The following FANCG variants were observed in gnomAD, a reference collection of about 807,000 sequenced individuals.
The protein encoded by FANCG is FA complementation group G.
A neutral mutation model predicts 73.3 loss-of-function variants in FANCG; 67 were observed. The observed-to-expected ratio is 0.91, with a 90% CI of 0.75 to 1.12. The LOEUF (loss-of-function observed/expected upper bound fraction) is 1.12. Ranked by LOEUF, FANCG falls within the 50% of genes most tolerant of loss-of-function variation. FANCG has a pLI of 0.00. For synonymous variants in FANCG, 297 were observed against 311.6 expected, an observed-to-expected ratio of 0.95 and a Z score of 0.49; for missense variants, 643 against 735.6, an observed-to-expected ratio of 0.87 and a Z score of 1.46.
rs768414522 is a variant in FANCG, at chr9:35,075,790, A to C, written c.1144-36T>G. The C allele has an allele frequency of 4.4e-6, 7 of 1,580,688 alleles. No individual in the cohort carries two copies. In the Middle Eastern group the frequency reaches 8.3e-4, roughly 187 times the overall value. On this transcript the variant is annotated intron_variant, in intron 9 of 13. Transcript: ENST00000378643. ...AAGAAGAAGCAGTGTCTTGAAAGGC[A>C]TGAGCCACCATCCCCAACCTCTTCA...
chr9:35,076,246 G>C (rs1241881594), intron 8 of FANCG, 186 bp downstream of exon 8: 1 of 801,048 alleles, frequency 1.2e-6, no homozygotes, highest in Non-Finnish European at 2.1e-6. Flanking sequence ...AGATAGAGAA[G>C]GTTAATGTCT....
At position 35,076,985 on chromosome 9, in the gene FANCG, A is replaced by G. The variant is rs2131056418; in HGVS notation, c.763T>C (p.Cys255Arg). The G allele has an allele frequency of 6.2e-7, 1 of 1,614,238 alleles. No homozygotes were observed. The highest frequency in any genetic ancestry group is 8.5e-7 in the Non-Finnish European group (1 of 1,180,032). The change falls in exon 6 of 14, where the codon TGT becomes CGT. Residue 255 changes from cysteine (C) to arginine (R), a missense_variant. By Grantham distance (180) the Cys-to-Arg change is radical. Coordinates refer to ENST00000378643, the MANE Select transcript of FANCG (RefSeq NM_004629.2). The stretch of plus-strand genomic sequence containing the variant: ...ACTGTCTTTACCATCTTACGGTGAC[A>G]GGACCCCAGTGCTGTGTACACCTGG... ...LVQVYTALGS[C>R]HRKMGNPQRA...
intron 11 of FANCG, 32 bp downstream of exon 11, chr9:35,075,247 G>C: frequency 6.2e-7 from 1 of 1,613,208 alleles, no homozygotes; most frequent in Non-Finnish European, 8.5e-7. Context: ...CCACTTCCAG[G>C]AGGTAAGAGG....
In FANCG at chr9:35,074,164, G is replaced by A. The variant is rs755275747; in HGVS notation, c.1813C>T (p.Arg605Cys). 33 of 1,614,108 alleles carry A rather than the reference G, an allele frequency of 2.0e-5. No homozygotes were observed. Among genetic ancestry groups the A allele is most frequent in the Middle Eastern group, 1.6e-4 (1 of 6,082 alleles). Residue 605 changes from arginine (R) to cysteine (C), a missense_variant, in exon 14 of 14, where the codon CGT (arginine) becomes TGT (cysteine). Transcript: ENST00000378643. ...SYLSWIRPSD[R>C]DAFLEEFRTS... ...CGAAATTCTTCAAGGAAGGCGTCAC[G>A]ATCAGAGGGACGGATCCAGCTCAAA...
Position 35,079,531 on chromosome 9 carries a change from C to G in FANCG, c.-7G>C. The G allele has an allele frequency of 1.2e-6, 2 of 1,613,918 alleles. No homozygotes were observed. The highest frequency in any genetic ancestry group is 2.2e-5 in the East Asian group (1 of 44,866). ...AGGTGGTCTGGCGGGACATGGTGGC[C>G]GAGGCTGGGCCCGGAGACCAGAAGC... On this transcript the variant is annotated 5_prime_UTR_variant, in exon 1 of 14. Coordinates refer to ENST00000378643, the MANE Select transcript of FANCG (RefSeq NM_004629.2).
intron 4 of FANCG, chr9:35,077,915 G>A (rs1340236208): frequency 1.2e-5 from 7 of 578,862 alleles, no homozygotes; most frequent in African/African-American, 1.1e-4. Flanking sequence ...TGAGATTACA[G>A]GTATGAGCCA....
chr9:35,075,584 G>A lies in FANCG; in HGVS notation c.1314C>T (p.Ala438=). The change falls in exon 10 of 14, where the codon GCC becomes GCT. Residue 438 remains alanine (A), a synonymous_variant. Coordinates refer to ENST00000378643, the MANE Select transcript of FANCG (RefSeq NM_004629.2). ...LPKMSRLWED[A]RKGTKELPYC... The stretch of plus-strand genomic sequence containing the variant: ...ATGGCAGTTCCTTGGTTCCTTTTCT[G>A]GCATCTTCCCACAGCCGGGACATCT... 1 of 1,614,084 alleles carries A rather than the reference G, an allele frequency of 6.2e-7. No individual in the cohort carries two copies. Among genetic ancestry groups the A allele is most frequent in the Non-Finnish European group, 8.5e-7 (1 of 1,180,004 alleles).
chr9:35,073,839 TA>T lies in FANCG; in HGVS notation c.*268del. ...AAGTATATGTAGTAGGCAGACGAGA[TA>T]AATATGAAATTTTACTCGACAACAG... On this transcript the variant is annotated 3_prime_UTR_variant, in exon 14 of 14. Coordinates refer to ENST00000378643, the MANE Select transcript of FANCG (RefSeq NM_004629.2). The T allele has an allele frequency of 1.9e-6, 1 of 539,540 alleles. No homozygotes were observed. The highest frequency in any genetic ancestry group is 1.9e-5 in the African/African-American group (1 of 53,022). 33.4% of individuals were successfully genotyped at this position (539,540 alleles called of 1,614,324 possible).
Position 35,075,988 on chromosome 9 carries a change from G to C in FANCG, c.1117C>G (p.Leu373Val). The C allele has an allele frequency of 6.2e-7, 1 of 1,614,144 alleles. No individual in the cohort carries two copies. The highest frequency in any genetic ancestry group is 1.1e-5 in the South Asian group (1 of 91,084). The change falls in exon 9 of 14, where the codon CTG (leucine) becomes GTG (valine). Residue 373 changes from leucine to valine, a missense_variant. Coordinates refer to ENST00000378643, the MANE Select transcript of FANCG (RefSeq NM_004629.2). Reference protein sequence around the residue: ...AAEHYLDLLALLLDSSEPRFS... With the variant: ...AAEHYLDLLAVLLDSSEPRFS... The stretch of plus-strand genomic sequence containing the variant: ...CTTGGCTCCGAGCTATCCAGCAACA[G>C]GGCCAGCAGGTCCAAGTAATGCTCT...
intron 4 of FANCG, among the ~76,000 whole-genome samples, 156 bp from the exon 5 acceptor site, chr9:35,077,555 T>G (rs890926809): frequency 2.0e-5 from 3 of 151,978 alleles, no homozygotes; most frequent in Admixed American, 2.0e-4. Context: ...CTATGCATAA[T>G]GCCTGTAGTT....
In FANCG at chr9:35,074,087, A is replaced by G. The variant is rs374590435; in HGVS notation, c.*21T>C. On this transcript the variant is annotated 3_prime_UTR_variant, in exon 14 of 14. Transcript: ENST00000378643. ...AGACAGCCCACTGGGGACCCAGCTC[A>G]AGCTCTTCAAAACGTGGCAGCTACA... 92 of 1,591,162 alleles carry G rather than the reference A, an allele frequency of 5.8e-5. No individual in the cohort carries two copies. The highest frequency in any genetic ancestry group is 7.9e-5 in the Non-Finnish European group (92 of 1,159,278).
At chr9:35,078,887 C>G (rs954452547) in intron 2 of FANCG, 151 bp from the exon 3 acceptor site, 16 of 1,200,926 alleles carry the variant, frequency 1.3e-5, no homozygotes, top group Non-Finnish European at 1.9e-5. Context: ...AAAAAAGAAC[C>G]CAACCTTTGG....
Position 35,076,518 on chromosome 9 carries a change from T to C in FANCG, c.990A>G (p.Pro330=). The change falls in exon 8 of 14, where the codon CCA becomes CCG. Residue 330 remains proline (P), a synonymous_variant. Coordinates refer to ENST00000378643, the MANE Select transcript of FANCG (RefSeq NM_004629.2). The part of the protein sequence containing the change: ...QFLIEVELLL[P]PPDLASPLHC... ...GAAGGGGTGAGGCTAGGTCAGGTGG[T>C]GGCAGTAGTAATTCTACCTCAATGA... 1 of 1,614,142 alleles carries C rather than the reference T, an allele frequency of 6.2e-7. No homozygotes were observed. The highest frequency in any genetic ancestry group is 1.1e-5 in the South Asian group (1 of 91,080).
At chr9:35,079,029 CCT>C in intron 2 of FANCG, 120 bp downstream of exon 2, 1 of 862,322 alleles carries the variant, frequency 1.2e-6, no homozygotes, top group Non-Finnish European at 1.9e-6. Flanking sequence ...ACTCCAGTCT[CCT>C]CTGTGCCTTA....
intron 12 of FANCG, 39 bp downstream of exon 12, chr9:35,074,888 C>T (rs45603633): frequency 1.7e-4 from 279 of 1,613,132 alleles, no homozygotes; most frequent in Non-Finnish European, 2.3e-4. Flanking sequence ...TCTGTCCTTG[C>T]ACATCTATGC....
chr9:35,075,731 TGGAGG>T lies in FANCG; in HGVS notation c.1162_1166del (p.Pro388ArgfsTer6). ...AAAACACCTCAGGCATACAGGGCCC[TGGAGG>T]GGAGGGGGGTGGGGAGAACTGGAGT... On this transcript the variant is annotated frameshift_variant, in exon 10 of 14. Transcript: ENST00000378643. LOFTEE classifies it high-confidence loss of function. 1.4e-5 allele frequency: 9 copies of T among 640,322 alleles called. No individual in the cohort carries two copies. The highest frequency in any genetic ancestry group is 2.4e-5 in the Non-Finnish European group (9 of 375,162). 39.7% of individuals were successfully genotyped at this position (640,322 alleles called of 1,614,324 possible).
chr9:35,079,544 G>A lies in FANCG; in HGVS notation c.-20C>T, dbSNP rs1262345042. 1.2e-6 allele frequency: 2 copies of A among 1,613,378 alleles called. No homozygotes were observed. Among genetic ancestry groups the A allele is most frequent in the Non-Finnish European group, 8.5e-7 (1 of 1,179,592 alleles). On this transcript the variant is annotated 5_prime_UTR_variant, in exon 1 of 14. Transcript: ENST00000378643. ...GGACATGGTGGCCGAGGCTGGGCCC[G>A]GAGACCAGAAGCGGACTTAGGAAGG... is the stretch of plus-strand genomic sequence containing the variant.
chr9:35,076,465 T>G lies in FANCG; in HGVS notation c.1043A>C (p.His348Pro). The G allele has an allele frequency of 6.2e-7, 1 of 1,614,094 alleles. No individual in the cohort carries two copies. Among genetic ancestry groups the G allele is most frequent in the Non-Finnish European group, 8.5e-7 (1 of 1,180,010 alleles). The change falls in exon 8 of 14, where the codon CAC (histidine) becomes CCC (proline). Residue 348 changes from histidine to proline, a missense_variant. Physicochemically the swap from His to Pro is moderately conservative, Grantham distance 77. Coordinates refer to ENST00000378643, the MANE Select transcript of FANCG (RefSeq NM_004629.2). ...LHCGTQSQTK[H>P]ILASRCLQTG... ...CTGTAGGCACCTGCTTGCTAGTATG[T>G]GCTTGGTCTGGCTCTGAGTGCCACA...
At chr9:35,076,098 T>C in intron 8 of FANCG, 70 bp from the exon 9 acceptor site, 1 of 1,433,466 alleles carries the variant, frequency 7.0e-7, no homozygotes, top group South Asian at 1.1e-5. Context: ...CTGAGAATGT[T>C]CTCTCTTAGC....
Sources: gnomAD v4.1 joint callset for allele counts (sites outside exome capture counted in the v4.1 genomes callset) on GRCh38, gnomAD v4.1.1 for gene constraint, MANE v1.5 for transcripts, NCBI Gene and HGNC (gene_info 2026-07-23, HGNC 2026-07-21) for gene names.